USF3: variants seen among roughly 807,000 people sequenced by gnomAD.
USF3 encodes basic helix-loop-helix domain-containing protein USF3.
A neutral mutation model predicts 157.5 loss-of-function variants in USF3; 29 were observed. That is an observed-to-expected ratio of 0.18 (90% confidence interval 0.14 to 0.25). The LOEUF (loss-of-function observed/expected upper bound fraction) is 0.25. USF3 is among the 10% of genes least tolerant of loss of function. USF3 has a pLI of 1.00. For synonymous variants in USF3, 893 were observed against 941.4 expected (o/e 0.95, Z 0.94); for missense variants, 2,381 against 2,667.6 (o/e 0.89, Z 2.37).
At position 113,655,916 on chromosome 3, in the gene USF3, G is replaced by A; in HGVS notation, c.5766C>T (p.Pro1922=). 3.1e-6 allele frequency: 5 copies of A among 1,614,158 alleles called. No individual in the cohort carries two copies. The highest frequency in any genetic ancestry group is 4.2e-6 in the Non-Finnish European group (5 of 1,180,036). The change falls in exon 7 of 7, where the codon CCC becomes CCT. Residue 1922 remains proline, a synonymous_variant. Transcript: ENST00000316407. Reference sequence around the variant, plus strand: ...TGGCATGACTCTCAGTAATCCTCATGGGATTGGATTTCTGTACAGAAACAT... The same window carrying A: ...TGGCATGACTCTCAGTAATCCTCATAGGATTGGATTTCTGTACAGAAACAT... ...SPNVSVQKSN[P]MRITESHATK...
intron 4 of USF3, among the ~76,000 whole-genome samples, chr3:113,671,415 T>C (rs1035041871): frequency 1.3e-5 from 2 of 152,224 alleles, no homozygotes; most frequent in African/African-American, 4.8e-5. Flanking sequence ...CCACTTTGGC[T>C]ATGTTGGATC....
intron 4 of USF3, among the ~76,000 whole-genome samples, chr3:113,672,004 C>G (rs1483200160): frequency 6.6e-6 from 1 of 151,856 alleles, no homozygotes; most frequent in Non-Finnish European, 1.5e-5. Context: ...CTCCTGGGCT[C>G]AAAATATCCT....
chr3:113,656,433 A>G lies in USF3; in HGVS notation c.5249T>C (p.Phe1750Ser). 6.2e-7 allele frequency: 1 copy of G among 1,614,156 alleles called. No homozygotes were observed. The highest frequency in any genetic ancestry group is 1.3e-5 in the African/African-American group (1 of 75,026). ...ATTGTTTCTTGAAGATTGTACTTCAAAATTACTCTGGGGCTGTTGACTAGC... is the reference window on the plus strand; with the variant it reads ...ATTGTTTCTTGAAGATTGTACTTCAGAATTACTCTGGGGCTGTTGACTAGC... ...SGASQQPQSNFEVQSSRNNEI... is the reference protein window; with the variant it reads ...SGASQQPQSNSEVQSSRNNEI... The change falls in exon 7 of 7, where the codon TTT (phenylalanine) becomes TCT (serine). Residue 1750 changes from phenylalanine (F) to serine (S), a missense_variant. Phe to Ser is a radical substitution (Grantham distance 155). Coordinates refer to ENST00000316407, the MANE Select transcript of USF3 (RefSeq NM_001009899.4).
In USF3 at chr3:113,660,577, C is replaced by G. The variant is rs1947465423; in HGVS notation, c.1105G>C (p.Ala369Pro). 1 of 1,614,100 alleles carries G rather than the reference C, an allele frequency of 6.2e-7. No homozygotes were observed. ...GGGGCAGATGATGCCACCACTGTAG[C>G]TGTACTTGTCAAGTCTGCACTCTTA... ...ISKSADLTST[A>P]TVVASSAPGV... Residue 369 changes from alanine (A) to proline (P), a missense_variant, in exon 7 of 7, where the codon GCT becomes CCT. Physicochemically the swap from Ala to Pro is conservative, Grantham distance 27. Transcript: ENST00000316407.
In USF3 at chr3:113,661,393, C is replaced by T. The variant is rs1947483006; in HGVS notation, c.289G>A (p.Glu97Lys). The part of the protein sequence containing the change: ...EEIKKLRKQL[E>K]EIQKENGRYI... ...CGGCCATTTTCTTTTTGGATTTCTT[C>T]CAGTTGTTTCCGTAGCTTTTTTATT... The change falls in exon 7 of 7, where the codon GAA becomes AAA. Residue 97 changes from glutamate to lysine, a missense_variant. Around this residue, in one of 6 missense-constraint regions of USF3, gnomAD observed 105 missense variants for 158.6 expected, o/e 0.66. Coordinates refer to ENST00000316407, the MANE Select transcript of USF3 (RefSeq NM_001009899.4). 1 of 1,566,794 alleles carries T rather than the reference C, an allele frequency of 6.4e-7. No individual in the cohort carries two copies. Among genetic ancestry groups the T allele is most frequent in the African/African-American group, 1.4e-5 (1 of 72,364 alleles).
In USF3 at chr3:113,654,840, G is replaced by GAC. The variant is rs375072341; in HGVS notation, c.*102_*103dup. The GAC allele has an allele frequency of 1.0e-5, 13 of 1,251,724 alleles. No individual in the cohort carries two copies. Among genetic ancestry groups the GAC allele is most frequent in the South Asian group, 3.2e-5 (2 of 62,884 alleles). 77.5% of individuals were successfully genotyped at this position (1,251,724 alleles called of 1,614,324 possible). A position where few individuals can be genotyped will look rare whatever the true frequency, so the allele number is the denominator to read the frequency against. On this transcript the variant is annotated 3_prime_UTR_variant, in exon 7 of 7. Coordinates refer to ENST00000316407, the MANE Select transcript of USF3 (RefSeq NM_001009899.4). ...AAGATAACTGAAAACTGATTATACA[G>GAC]ACACACACACACAATCCTTCTCTTC...
At chr3:113,675,687 T>C (rs1707265490) in intron 2 of USF3, among the ~76,000 whole-genome samples, 1 of 152,188 alleles carries the variant, frequency 6.6e-6, no homozygotes, top group Admixed American at 6.5e-5. Context: ...GACAACTGTA[T>C]TAGTCCGTTC....
intron 2 of USF3, among the ~76,000 whole-genome samples, chr3:113,676,828 C>T (rs536173246): frequency 6.6e-6 from 1 of 152,010 alleles, no homozygotes; most frequent in African/African-American, 2.4e-5. Flanking sequence ...GGGCAAGTTA[C>T]ATGACCCTCA....
chr3:113,693,473 A>C (rs561924417), intron 1 of USF3, among the ~76,000 whole-genome samples: 2 of 152,342 alleles, frequency 1.3e-5, no homozygotes, highest in East Asian at 3.9e-4. Context: ...TATGAAAAAA[A>C]CGGATGTCTA....
At chr3:113,682,447 T>C (rs138611268) in intron 1 of USF3, among the ~76,000 whole-genome samples, 27 of 152,324 alleles carry the variant, frequency 1.8e-4, no homozygotes, top group African/African-American at 6.5e-4. Flanking sequence ...TCTGCAGCTG[T>C]TGGATGAAAT....
At position 113,660,507 on chromosome 3, in the gene USF3, T is replaced by C; in HGVS notation, c.1175A>G (p.Asn392Ser). ...ATIPISTLSG[N>S]PLDNGWTLSC... ...AAGAGTCCAACCATTGTCCAAAGGG[T>C]TTCCCGAAAGAGTGCTTATAGGAAT... is the stretch of plus-strand genomic sequence containing the variant. The change falls in exon 7 of 7, where the codon AAC becomes AGC. Residue 392 changes from asparagine to serine, a missense_variant. Physicochemically the swap from Asn to Ser is conservative, Grantham distance 46. This residue lies in a region of USF3 where 1,435 missense variants were observed against 1,550.9 expected (regional missense o/e 0.93). Coordinates refer to ENST00000316407, the MANE Select transcript of USF3 (RefSeq NM_001009899.4). 1 of 1,614,032 alleles carries C rather than the reference T, an allele frequency of 6.2e-7. No individual in the cohort carries two copies. The highest frequency in any genetic ancestry group is 8.5e-7 in the Non-Finnish European group (1 of 1,180,004).
intron 1 of USF3, among the ~76,000 whole-genome samples, chr3:113,686,093 C>T (rs1407242228): frequency 6.6e-6 from 1 of 152,110 alleles, no homozygotes; most frequent in African/African-American, 2.4e-5. Context: ...GGCCTTGTGG[C>T]CTTTCAAGTT....
At chr3:113,677,814 C>G (rs1015356794) in intron 1 of USF3, among the ~76,000 whole-genome samples, 4 of 152,148 alleles carry the variant, frequency 2.6e-5, no homozygotes, top group African/African-American at 9.7e-5. Context: ...TGCCTGAAAA[C>G]TTACATAAGG....
In USF3 at chr3:113,657,016, G is replaced by A; in HGVS notation, c.4666C>T (p.His1556Tyr). Reference sequence around the variant, plus strand: ...TGCTGCATCTGCTGATGGTGGGGATGTGGCTGGCCAGTCTTGGATCGGGAT... The same window carrying A: ...TGCTGCATCTGCTGATGGTGGGGATATGGCTGGCCAGTCTTGGATCGGGAT... ...DQSRSKTGQP[H>Y]PHHQQMQQQM... Residue 1556 changes from histidine to tyrosine, a missense_variant, in exon 7 of 7, where the codon CAT becomes TAT. By Grantham distance (83) the His-to-Tyr change is moderately conservative. Coordinates refer to ENST00000316407, the MANE Select transcript of USF3 (RefSeq NM_001009899.4). 1.2e-6 allele frequency: 2 copies of A among 1,614,200 alleles called. No homozygotes were observed. The highest frequency in any genetic ancestry group is 1.7e-6 in the Non-Finnish European group (2 of 1,180,030).
rs1947405715 is a variant in USF3 at position 113,658,297 on chromosome 3, G to C, written c.3385C>G (p.Gln1129Glu). 1 of 1,614,160 alleles carries C rather than the reference G, an allele frequency of 6.2e-7. No individual in the cohort carries two copies. The highest frequency in any genetic ancestry group is 8.5e-7 in the Non-Finnish European group (1 of 1,180,024). The stretch of plus-strand genomic sequence containing the variant: ...GCTGCAAGAGCTACTATATCAGTTT[G>C]CTCTACAAAGGTACAGCTGTCACAT... ...NTCDSCTFVE[Q>E]TDIVALAARA... The change falls in exon 7 of 7, where the codon CAA becomes GAA. Residue 1129 changes from glutamine to glutamate, a missense_variant. By Grantham distance (29) the Gln-to-Glu change is conservative. Transcript: ENST00000316407.
In USF3 at chr3:113,660,949, C is replaced by T. The variant is rs755097382; in HGVS notation, c.733G>A (p.Glu245Lys). Reference sequence around the variant, plus strand: ...CTAGTGGCACCAAGCACATTTGATTCGCTTTCAGAGGTGGGAAGCTCGAGA... The same window carrying T: ...CTAGTGGCACCAAGCACATTTGATTTGCTTTCAGAGGTGGGAAGCTCGAGA... ...SILELPTSES[E>K]SNVLGATSGS... The change falls in exon 7 of 7, where the codon GAA becomes AAA. Residue 245 changes from glutamate to lysine, a missense_variant. This residue lies in a region of USF3 where 1,435 missense variants were observed against 1,550.9 expected (regional missense o/e 0.93). Transcript: ENST00000316407. 7 of 1,614,172 alleles carry T rather than the reference C, an allele frequency of 4.3e-6. No homozygotes were observed. The East Asian group carries it at 8.9e-5, about 21-fold the overall frequency.
chr3:113,677,982 TCTCCCCTCCC>T (rs369086180), intron 1 of USF3, among the ~76,000 whole-genome samples: 2 of 150,618 alleles, frequency 1.3e-5, no homozygotes, highest in Non-Finnish European at 3.0e-5. Context: ...TGGGTGATCT[TCTCCCCTCCC>T]CTCCCCTCCC....
chr3:113,658,599 T>A lies in USF3; in HGVS notation c.3083A>T (p.His1028Leu). The A allele has an allele frequency of 6.2e-7, 1 of 1,613,654 alleles. No individual in the cohort carries two copies. ...AGGATTTTCTGAAGAAAAGTCAGGA[T>A]GATCCATCTGATCAGAAAGAGATGA... ...QKSSLSDQMD[H>L]PDFSSENPKI... The change falls in exon 7 of 7, where the codon CAT (histidine) becomes CTT (leucine). Residue 1028 changes from histidine (H) to leucine (L), a missense_variant. His to Leu is a moderately conservative substitution (Grantham distance 99). Transcript: ENST00000316407.
At chr3:113,664,465 A>T (rs2107931025) in intron 5 of USF3, 56 bp from the exon 6 acceptor site, 2 of 906,122 alleles carry the variant, frequency 2.2e-6, no homozygotes, top group East Asian at 5.0e-5. Flanking sequence ...AGAACTTGCC[A>T]GATGAAACTT....
Sources: allele counts gnomAD v4.1 joint callset (sites outside exome capture counted in the v4.1 genomes callset), GRCh38; gene constraint gnomAD v4.1.1; regional missense constraint gnomAD v4.1.1; transcripts MANE v1.5; gene names NCBI Gene and HGNC (gene_info 2026-07-23, HGNC 2026-07-21).